Variants in TAL1 observed in about 807,000 individuals in gnomAD.
TAL1 encodes the protein T-cell acute lymphocytic leukemia protein 1.
A neutral mutation model predicts 17.9 loss-of-function variants in TAL1; 8 were observed. The observed-to-expected ratio is 0.45, with a 90% CI of 0.26 to 0.81. TAL1 has a LOEUF of 0.81. Among genes scored for constraint, TAL1 ranks in the 30% least tolerant of loss-of-function variants. The probability of loss-of-function intolerance (pLI) is 0.17; values close to 1 mark genes in which losing one functional copy is unlikely to be tolerated. For missense variants in TAL1, 466 were observed against 486.9 expected, an observed-to-expected ratio of 0.96 and a Z score of 0.40; for synonymous variants, 223 against 218.6, an observed-to-expected ratio of 1.02 and a Z score of -0.18.
In TAL1 at chr1:47,216,838, T is replaced by G. The variant is rs184853474; in HGVS notation, c.*2882A>C. ...TTATGTTCTTTCCCCTTTGTACAGATGCTATTCTTGGAATGTTGCCAGTTT... is the reference window on the plus strand; with the variant it reads ...TTATGTTCTTTCCCCTTTGTACAGAGGCTATTCTTGGAATGTTGCCAGTTT... On this transcript the variant is annotated 3_prime_UTR_variant, in exon 4 of 4. Transcript: ENST00000294339. 16 of 231,778 alleles carry G rather than the reference T, an allele frequency of 6.9e-5. No individual in the cohort carries two copies. The East Asian group carries it at 8.6e-4, about 12-fold the overall frequency. 14.4% of individuals were successfully genotyped at this position (231,778 alleles called of 1,614,324 possible). A position where few individuals can be genotyped will look rare whatever the true frequency, so the allele number is the denominator to read the frequency against.
chr1:47,228,464 T>C, intron 1 of TAL1: 1 of 193,974 alleles, frequency 5.2e-6, no homozygotes, highest in African/African-American at 2.3e-5. Context: ...GAGACCCTGC[T>C]TATAGCCCCC....
At chr1:47,217,134 C>G (rs184217761) in exon 4 of TAL1, 1 of 238,534 alleles carries the variant, frequency 4.2e-6, no homozygotes, top group East Asian at 6.0e-5. Context: ...GATCCCAGTG[C>G]TTCTGGAGGC....
At chr1:47,221,995 C>T (rs940646580) in intron 3 of TAL1, among the ~76,000 whole-genome samples, 4 of 152,116 alleles carry the variant, frequency 2.6e-5, no homozygotes, top group African/African-American at 4.8e-5. Context: ...GACTGTTTGC[C>T]AAAGGCCAGA....
chr1:47,222,049 C>A (rs926848191), intron 3 of TAL1, among the ~76,000 whole-genome samples: 3 of 152,258 alleles, frequency 2.0e-5, no homozygotes, highest in Admixed American at 1.3e-4. Flanking sequence ...GCAGTTCTAC[C>A]CTGGGCGGCC....
At chr1:47,219,338 C>A in exon 4 of TAL1, 1 of 540,414 alleles carries the variant, frequency 1.9e-6, no homozygotes, top group Non-Finnish European at 3.5e-6. Context: ...AAAGGCAAGG[C>A]AGAGACTGCT....
chr1:47,224,028 G>C (rs1376450643), exon 3 of TAL1: 1 of 1,613,778 alleles, frequency 6.2e-7, no homozygotes, highest in African/African-American at 1.3e-5. Flanking sequence ...ATCTCATAGG[G>C]GGAAGGTCTC....
chr1:47,228,936 C>G (rs1051647092), intron 1 of TAL1: 2 of 161,846 alleles, frequency 1.2e-5, no homozygotes, highest in Non-Finnish European at 2.7e-5. Context: ...TCCACAGAAC[C>G]GGGACCAATG....
At chr1:47,224,402 GAACA>G (rs1324064740) in intron 2 of TAL1, among the ~76,000 whole-genome samples, 1 of 60,212 alleles carries the variant, frequency 1.7e-5, no homozygotes, top group African/African-American at 8.1e-5. Context: ...ACACAAAAAT[GAACA>G]CACACACACA....
chr1:47,226,151 T>G, intron 1 of TAL1: 1 of 454,446 alleles, frequency 2.2e-6, no homozygotes, highest in Non-Finnish European at 3.9e-6. Flanking sequence ...AGGACAGAGA[T>G]GGAGGAAGAC....
intron 1 of TAL1, 138 bp from the exon 3 acceptor site, chr1:47,226,027 G>A (rs1310562308): frequency 1.2e-6 from 1 of 846,388 alleles, no homozygotes; most frequent in East Asian, 3.6e-5. Flanking sequence ...GACAAAGTTA[G>A]CGCCACGTGG....
chr1:47,225,598 G>A (rs960247809), exon 2 of TAL1: 11 of 1,312,376 alleles, frequency 8.4e-6, no homozygotes, highest in African/African-American at 6.2e-5. Context: ...GGGCGGGCCC[G>A]GGAGGTCTGC....
At chr1:47,228,750 C>T (rs970927791) in intron 1 of TAL1, 11 of 161,420 alleles carry the variant, frequency 6.8e-5, no homozygotes, top group Non-Finnish European at 1.4e-4. Context: ...CTCGCCTCTA[C>T]CGGAGAAGAG....
chr1:47,223,705 G>T, intron 3 of TAL1: 1 of 288,396 alleles, frequency 3.5e-6, no homozygotes, highest in South Asian at 8.5e-5. Context: ...CCGGACTGGG[G>T]ACTGGAACTA....
At chr1:47,225,152 T>G (rs1260555823) in intron 2 of TAL1, among the ~76,000 whole-genome samples, 1 of 152,178 alleles carries the variant, frequency 6.6e-6, no homozygotes, top group African/African-American at 2.4e-5. Context: ...ACCAGCCACA[T>G]GCCTGCACCC....
Position 47,225,822 on chromosome 1 carries a change from C to A in TAL1, c.67G>T (p.Glu23Ter). 1 of 1,579,992 alleles carries A rather than the reference C, an allele frequency of 6.3e-7. No individual in the cohort carries two copies. The highest frequency in any genetic ancestry group is 8.5e-7 in the Non-Finnish European group (1 of 1,171,706). The change falls in exon 2 of 4, where the codon GAG (glutamate) becomes TAG (stop). Residue 23 changes from glutamate (E) to a stop codon, truncating the protein, a stop_gained. Transcript: ENST00000294339. LOFTEE classifies it high-confidence loss of function. Reference sequence around the variant, plus strand: ...AGGTGCGGGGGGGCCATGCTGGCCTCGGCCGCGTCCCGTCCCTCTAGCTGG... The same window carrying A: ...AGGTGCGGGGGGGCCATGCTGGCCTAGGCCGCGTCCCGTCCCTCTAGCTGG...
chr1:47,229,562 A>T (rs1387487707), exon 1 of TAL1: 5 of 169,852 alleles, frequency 2.9e-5, no homozygotes, highest in Admixed American at 1.3e-4. Context: ...CACCCGCCTT[A>T]AAAAACCCTA....
chr1:47,230,769 C>A (rs565235113), upstream of TAL1: 5 of 152,164 alleles, frequency 3.3e-5, no homozygotes, highest in African/African-American at 1.2e-4. Flanking sequence ...ATGGTGATGG[C>A]ATTAGCAATT....
exon 4 of TAL1, chr1:47,219,082 A>G (rs1645556733): frequency 3.0e-6 from 1 of 333,388 alleles, no homozygotes; most frequent in Admixed American, 4.3e-5. Context: ...GGCAAGAAGT[A>G]AGGGCGACTG....
chr1:47,219,645 C>T lies in TAL1; in HGVS notation c.*75G>A, dbSNP rs565184123. The stretch of plus-strand genomic sequence containing the variant: ...TTGCTTCAGAGCCGCCCAATTCTCA[C>T]CCCACCTGCCCTGAAGCCCACCATC... On this transcript the variant is annotated 3_prime_UTR_variant, in exon 4 of 4. Transcript: ENST00000294339. 1.2e-4 allele frequency: 188 copies of T among 1,587,240 alleles called. 1 individual carries two copies. Among genetic ancestry groups the T allele is most frequent in the Admixed American group, 3.8e-4 (22 of 58,412 alleles).
Sources: allele counts gnomAD v4.1 joint callset (sites outside exome capture counted in the v4.1 genomes callset), GRCh38; gene constraint gnomAD v4.1.1; transcripts MANE v1.5; gene names NCBI Gene and HGNC (gene_info 2026-07-23, HGNC 2026-07-21).